Variants in RNF8 observed in about 807,000 individuals in gnomAD.
The protein encoded by RNF8 is ring finger protein 8.
A neutral mutation model predicts 59.3 loss-of-function variants in RNF8; 8 were observed. The observed-to-expected ratio is 0.13, with a 90% confidence interval of 0.08 to 0.24. The LOEUF (loss-of-function observed/expected upper bound fraction) is 0.24. RNF8 is among the 10% of genes least tolerant of loss of function. The pLI, the probability that RNF8 is intolerant of heterozygous loss-of-function variation, is 1.00. For synonymous variants in RNF8, 162 were observed against 200.0 expected, an observed-to-expected ratio of 0.81 and a Z score of 1.60; for missense variants, 406 against 572.6, an observed-to-expected ratio of 0.71 and a Z score of 2.97.
chr6:37,364,178 CA>C lies in RNF8; in HGVS notation c.240+3625del, dbSNP rs35915593. ...TGGGGGACAGAGCGAGACTCTGTCT[CA>C]AAAAAAAAAAAAAAAAAAAATTGAG... On this transcript the variant is annotated intron_variant, in intron 2 of 7. Transcript: ENST00000373479. Among the ~76,000 whole-genome samples the C allele has an allele frequency of 2.9e-3, 237 of 82,270 alleles. 1 individual carries two copies. Among genetic ancestry groups the C allele is most frequent in the African/African-American group, 7.6e-3 (151 of 19,866 alleles). The allele number at this position is 82,270 out of a possible 152,430, so 54.0% of individuals were successfully genotyped here.
chr6:37,355,901 G>A (rs1458089285), intron 1 of RNF8, among the ~76,000 whole-genome samples: 1 of 152,122 alleles, frequency 6.6e-6, no homozygotes, highest in Admixed American at 6.5e-5. Context: ...AATTATTTTT[G>A]TGCATAACTA....
intron 7 of RNF8, among the ~76,000 whole-genome samples, chr6:37,385,550 C>T (rs1770460390): frequency 6.6e-6 from 1 of 151,798 alleles, no homozygotes; most frequent in Non-Finnish European, 1.5e-5. Flanking sequence ...TTGCTTGAAC[C>T]TGGGAGGCTG....
chr6:37,358,821 G>A (rs958322588), intron 1 of RNF8, among the ~76,000 whole-genome samples: 2 of 152,184 alleles, frequency 1.3e-5, no homozygotes, highest in African/African-American at 4.8e-5. Context: ...AGGGAGCCGG[G>A]CGCGGTGGCT....
At chr6:37,371,627 C>T (rs1769809237) in intron 4 of RNF8, 53 bp downstream of exon 4, 1 of 1,451,800 alleles carries the variant, frequency 6.9e-7, no homozygotes, top group Non-Finnish European at 9.7e-7. Context: ...GGGGAGCAAA[C>T]AGGCATCACA....
At position 37,360,061 on chromosome 6, in the gene RNF8, A is replaced by G. The variant is rs1769255819; in HGVS notation, c.112-385A>G. Among the ~76,000 whole-genome samples, 1 of 152,208 alleles carries G rather than the reference A, an allele frequency of 6.6e-6. No homozygotes were observed. Among genetic ancestry groups the G allele is most frequent in the Non-Finnish European group, 1.5e-5 (1 of 68,032 alleles). On this transcript the variant is annotated intron_variant, in intron 1 of 7. Transcript: ENST00000373479. The surrounding 1 kb of genome is among the most constrained non-coding windows in gnomAD (Gnocchi z 4.2). ...ATGGATGGAATTTACAAGGAGAAAA[A>G]TGCCAAGTCAGAGACATTTTAAAAA...
chr6:37,361,548 C>T (rs1769325583), intron 2 of RNF8: 1 of 350,762 alleles, frequency 2.9e-6, no homozygotes, highest in African/African-American at 2.2e-5. Context: ...GATGAAAATA[C>T]AGACTATGAG....
chr6:37,372,042 A>G (rs1299071052), intron 4 of RNF8, among the ~76,000 whole-genome samples: 1 of 152,244 alleles, frequency 6.6e-6, no homozygotes, highest in East Asian at 1.9e-4. Context: ...TCAACAACAC[A>G]TATCAATTTA....
chr6:37,381,419 T>C, intron 7 of RNF8, 65 bp downstream of exon 7: 1 of 1,427,276 alleles, frequency 7.0e-7, no homozygotes, highest in Non-Finnish European at 9.7e-7. Flanking sequence ...CTTCAACAAA[T>C]ATTTTTGGAA....
chr6:37,368,368 T>G lies in RNF8; in HGVS notation c.241-116T>G, dbSNP rs774730929. 25 of 1,607,456 alleles carry G rather than the reference T, an allele frequency of 1.6e-5. No individual in the cohort carries two copies. The East Asian group carries it at 4.0e-4, about 26-fold the overall frequency. On this transcript the variant is annotated intron_variant, in intron 2 of 7. Transcript: ENST00000373479. ...CGTTTATGAATCTTTCTTTTCTATT[T>G]GTTATCAAGAGTTTTCCTTCTGAAA...
At chr6:37,364,537 T>C (rs1769470357) in intron 2 of RNF8, among the ~76,000 whole-genome samples, 1 of 152,218 alleles carries the variant, frequency 6.6e-6, no homozygotes, top group Non-Finnish European at 1.5e-5. Context: ...CTTAATACAA[T>C]TGCTGAAATA....
Position 37,368,862 on chromosome 6 carries a change from T to C in RNF8, c.619T>C (p.Leu207=), listed in dbSNP as rs1173851314. 4.3e-6 allele frequency: 7 copies of C among 1,613,990 alleles called. No homozygotes were observed. The highest frequency in any genetic ancestry group is 1.1e-5 in the South Asian group (1 of 91,086). The change falls in exon 3 of 8, where the codon TTG becomes CTG. Residue 207 remains leucine (L), a synonymous_variant. Coordinates refer to ENST00000373479, the MANE Select transcript of RNF8 (RefSeq NM_003958.4). The stretch of plus-strand genomic sequence containing the variant: ...ACCCTCTGACAATTTGGATCCTAAG[T>C]TGACTGCCCTTGAGCCAAGTAAGAC... ...STPSDNLDPK[L]TALEPSKTTG...
At chr6:37,362,880 G>GA (rs1581668118) in intron 2 of RNF8, among the ~76,000 whole-genome samples, 1 of 152,142 alleles carries the variant, frequency 6.6e-6, no homozygotes, top group Admixed American at 6.5e-5. Context: ...TTAAAATATA[G>GA]AAAAAAACCT....
chr6:37,390,672 G>A, intron 7 of RNF8, 70 bp from the exon 8 acceptor site: 1 of 1,170,000 alleles, frequency 8.5e-7, no homozygotes, highest in East Asian at 2.3e-5. Flanking sequence ...TGGCGAGGCT[G>A]GAAGCAGGGA....
intron 5 of RNF8, among the ~76,000 whole-genome samples, chr6:37,376,182 G>A (rs551985097): frequency 2.0e-5 from 3 of 152,248 alleles, no homozygotes; most frequent in Non-Finnish European, 2.9e-5. Context: ...AATTGTTTGG[G>A]ATAATCTTAT....
intron 5 of RNF8, among the ~76,000 whole-genome samples, chr6:37,376,572 C>G (rs925993318): frequency 2.0e-5 from 3 of 152,086 alleles, no homozygotes; most frequent in African/African-American, 7.2e-5. Flanking sequence ...TTTAAGGCCA[C>G]TAACCCCATT....
chr6:37,379,890 A>G (rs1770181932), intron 6 of RNF8, among the ~76,000 whole-genome samples: 1 of 152,056 alleles, frequency 6.6e-6, no homozygotes, highest in African/African-American at 2.4e-5. Context: ...GTGGAAAATA[A>G]TACTTTTTAT....
chr6:37,380,178 A>C (rs1012449435), intron 6 of RNF8, among the ~76,000 whole-genome samples: 8 of 152,082 alleles, frequency 5.3e-5, no homozygotes, highest in African/African-American at 1.7e-4. Flanking sequence ...CAGCTCCCCA[A>C]GTGCTGGGAT....
intron 3 of RNF8, chr6:37,369,828 G>A (rs1769728782): frequency 6.5e-6 from 1 of 152,794 alleles, no homozygotes; most frequent in East Asian, 1.9e-4. Context: ...TGACTGCATT[G>A]TTGGGTTGAA....
chr6:37,374,470 A>G (rs1486085059), intron 4 of RNF8, 150 bp from the exon 5 acceptor site: 4 of 607,228 alleles, frequency 6.6e-6, no homozygotes, highest in South Asian at 2.1e-5. Context: ...AGATAGCCCA[A>G]TGGAATAAAG....
Sources: allele counts gnomAD v4.1 joint callset (sites outside exome capture counted in the v4.1 genomes callset), GRCh38; gene constraint gnomAD v4.1.1; non-coding constraint Gnocchi (gnomAD v3.1); transcripts MANE v1.5; gene names NCBI Gene and HGNC (gene_info 2026-07-23, HGNC 2026-07-21).